FBN3: variants seen among roughly 807,000 people sequenced by gnomAD.
FBN3 encodes fibrillin 3, also known as fibrillin-3.
Under a neutral mutation model 330.1 loss-of-function variants are expected in FBN3, and 234 were observed. The observed-to-expected ratio is 0.71, with a 90% confidence interval of 0.64 to 0.79. The LOEUF (loss-of-function observed/expected upper bound fraction) is 0.79, where lower values mean the gene tolerates loss of function less well. Ranked by LOEUF, FBN3 falls within the 30% of genes least tolerant of loss-of-function variation. FBN3 has a pLI of 0.00. For synonymous variants in FBN3, 1,458 were observed against 1,517.3 expected (o/e 0.96, Z 0.91); for missense variants, 3,606 against 3,886.9 (o/e 0.93, Z 1.92).
chr19:8,135,936 G>GCCCCCCCCCCCCCCCCCC, intron 13 of FBN3, 25 bp downstream of exon 13: 1 of 668,770 alleles, frequency 1.5e-6, no homozygotes. Context: ...GGAAGCCCCT[G>GCCCCCCCCCCCCCCCCCC]CCCACCCGCC....
intron 54 of FBN3, among the ~76,000 whole-genome samples, chr19:8,086,791 G>A (rs2081973298): frequency 6.7e-6 from 1 of 149,122 alleles, no homozygotes; most frequent in Admixed American, 6.7e-5. Flanking sequence ...TATTGTTTTT[G>A]GAGATGGGGT....
At chr19:8,143,052 T>C (rs1000953912) in intron 6 of FBN3, among the ~76,000 whole-genome samples, 3 of 152,026 alleles carry the variant, frequency 2.0e-5, no homozygotes, top group Non-Finnish European at 2.9e-5. Flanking sequence ...CCCAGATGCC[T>C]CTGCATCTGA....
intron 56 of FBN3, among the ~76,000 whole-genome samples, chr19:8,084,352 G>A (rs1449482630): frequency 6.6e-6 from 1 of 152,028 alleles, no homozygotes; most frequent in Non-Finnish European, 1.5e-5. Flanking sequence ...CTCCCACGCA[G>A]TCCGGAACGA....
chr19:8,117,911 C>T (rs139418644), intron 26 of FBN3, among the ~76,000 whole-genome samples: 6 of 152,108 alleles, frequency 3.9e-5, no homozygotes, highest in African/African-American at 1.2e-4. Context: ...CACTCAAGTG[C>T]ACACTCCTAA....
Position 8,146,168 on chromosome 19 carries a change from C to A in FBN3, c.308G>T (p.Cys103Phe). 6.2e-7 allele frequency: 1 copy of A among 1,603,374 alleles called. No individual in the cohort carries two copies. Among genetic ancestry groups the A allele is most frequent in the East Asian group, 2.2e-5 (1 of 44,530 alleles). ...GFCSQPNLCTCADGTLAPSCG... is the reference protein window; with the variant it reads ...GFCSQPNLCTFADGTLAPSCG... ...GCTGGGAGCCAGCGTCCCATCCGCA[C>A]AGGTGCACAGGTTGGGCTGGGAGCA... Residue 103 changes from cysteine to phenylalanine, a missense_variant, in exon 4 of 64, where the codon TGT becomes TTT. By Grantham distance (205) the Cys-to-Phe change is radical. Coordinates refer to ENST00000600128, the MANE Select transcript of FBN3 (RefSeq NM_032447.5).
chr19:8,078,603 T>TG (rs746364596), intron 59 of FBN3, among the ~76,000 whole-genome samples: 2 of 150,352 alleles, frequency 1.3e-5, no homozygotes, highest in African/African-American at 4.9e-5. Flanking sequence ...TTAATAGAGA[T>TG]GGGGTCTCAC....
Position 8,136,316 on chromosome 19 carries a change from G to C in FBN3, c.1346-7C>G. On this transcript the variant is annotated splice_region_variant and splice_polypyrimidine_tract_variant and intron_variant, in intron 11 of 63. Coordinates refer to ENST00000600128, the MANE Select transcript of FBN3 (RefSeq NM_032447.5). Reference sequence around the variant, plus strand: ...CTGGTGCATTCGTCTACATCTGAGGGGAGAGGACCCTGAGCCCTAGCACGA... The same window carrying C: ...CTGGTGCATTCGTCTACATCTGAGGCGAGAGGACCCTGAGCCCTAGCACGA... 1.9e-6 allele frequency: 3 copies of C among 1,602,278 alleles called. No homozygotes were observed.
intron 38 of FBN3, among the ~76,000 whole-genome samples, chr19:8,104,579 A>T (rs1418399096): frequency 1.3e-5 from 2 of 152,270 alleles, no homozygotes; most frequent in East Asian, 3.9e-4. Flanking sequence ...CCAAGAAAGG[A>T]TCATCCATGT....
Position 8,126,497 on chromosome 19 carries a change from C to A in FBN3, c.2525G>T (p.Trp842Leu). 6.2e-7 allele frequency: 1 copy of A among 1,613,174 alleles called. No homozygotes were observed. Among genetic ancestry groups the A allele is most frequent in the Non-Finnish European group, 8.5e-7 (1 of 1,179,716 alleles). Reference sequence around the variant, plus strand: ...CTCGCAGCGTTCGCAGGGGCTCCCCCAGGCTGCCCCGAGGGTGGCGCAGCA... The same window carrying A: ...CTCGCAGCGTTCGCAGGGGCTCCCCAAGGCTGCCCCGAGGGTGGCGCAGCA... ...SECCATLGAA[W>L]GSPCERCEID... The change falls in exon 20 of 64, where the codon TGG becomes TTG. Residue 842 changes from tryptophan to leucine, a missense_variant. Physicochemically the swap from Trp to Leu is moderately conservative, Grantham distance 61. Transcript: ENST00000600128.
In FBN3 at chr19:8,097,523, C is replaced by A; in HGVS notation, c.5162-109G>T. On this transcript the variant is annotated intron_variant, in intron 41 of 63. Coordinates refer to ENST00000600128, the MANE Select transcript of FBN3 (RefSeq NM_032447.5). ...AATCTGGTTGAGGCTGTTGTGGCCA[C>A]AAACCAGCACACACTCAAGAAAATC... 5.8e-6 allele frequency: 7 copies of A among 1,216,052 alleles called. No homozygotes were observed. The East Asian group carries it at 1.5e-4, about 27-fold the overall frequency. The allele number at this position is 1,216,052 out of a possible 1,614,324, so 75.3% of individuals were successfully genotyped here.
At chr19:8,073,407 A>T in intron 61 of FBN3, 110 bp from the exon 62 acceptor site, 1 of 859,776 alleles carries the variant, frequency 1.2e-6, no homozygotes, top group Non-Finnish European at 1.8e-6. Flanking sequence ...CCCAAGTCCA[A>T]TGCCAAACTC....
In FBN3 at chr19:8,102,735, G is replaced by A; in HGVS notation, c.5078C>T (p.Thr1693Ile). The change falls in exon 40 of 64, where the codon ACT (threonine) becomes ATT (isoleucine). Residue 1693 changes from threonine (T) to isoleucine (I), a missense_variant. Physicochemically the swap from Thr to Ile is moderately conservative, Grantham distance 89 (BLOSUM62 -1). Coordinates refer to ENST00000600128, the MANE Select transcript of FBN3 (RefSeq NM_032447.5). ...GGAGGGTTACTCACGACTGATGGGA[G>A]TGGGGCAGGCCTCACAGGGTCTATT... is the stretch of plus-strand genomic sequence containing the variant. ...AWNRPCEACP[T>I]PISPDYQILC... 6.2e-7 allele frequency: 1 copy of A among 1,613,334 alleles called. No individual in the cohort carries two copies. Among genetic ancestry groups the A allele is most frequent in the Non-Finnish European group, 8.5e-7 (1 of 1,179,668 alleles).
At chr19:8,113,907 C>G (rs982469864) in intron 30 of FBN3, among the ~76,000 whole-genome samples, 32 of 151,388 alleles carry the variant, frequency 2.1e-4, no homozygotes, top group African/African-American at 7.8e-4. Context: ...GGAAGATCAC[C>G]TGAGCCTGGA....
chr19:8,138,295 C>T lies in FBN3; in HGVS notation c.1047G>A (p.Arg349=), dbSNP rs774297618. The change falls in exon 10 of 64, where the codon CGG becomes CGA. Residue 349 remains arginine (R), a synonymous_variant. Coordinates refer to ENST00000600128, the MANE Select transcript of FBN3 (RefSeq NM_032447.5). ...CAGGGTGGCCGGGTAGCAGCGGCAG[C>T]CGCTGGGCGCACAGTTGCTGGAATT... ...SNEFQQLCAQ[R]LPLLPGHPGL... The T allele has an allele frequency of 7.4e-5, 119 of 1,613,082 alleles. No individual in the cohort carries two copies. The highest frequency in any genetic ancestry group is 9.3e-5 in the Non-Finnish European group (110 of 1,179,738).
At chr19:8,122,666 C>T (rs1470678032) in intron 24 of FBN3, among the ~76,000 whole-genome samples, 1 of 150,954 alleles carries the variant, frequency 6.6e-6, no homozygotes, top group Admixed American at 6.6e-5. Context: ...CGCACCTGGC[C>T]CAGCGCCCCC....
At chr19:8,076,247 C>CATGT (rs60725609) in intron 59 of FBN3, among the ~76,000 whole-genome samples, 2,272 of 147,724 alleles carry the variant, frequency 0.015, 62 homozygotes, top group African/African-American at 0.051. Context: ...TGTCCGTGTG[C>CATGT]GTGTGTGTGT....
rs150135557 is a variant in FBN3 at position 8,116,553 on chromosome 19, C to T, written c.3712+121G>A. The stretch of plus-strand genomic sequence containing the variant: ...TTACAAAGCCTCATCTTCCTACCTG[C>T]GAATGGCAGGGGTGGGGCCTGGCAT... On this transcript the variant is annotated intron_variant, in intron 29 of 63. Transcript: ENST00000600128. The T allele has an allele frequency of 1.4e-4, 145 of 1,049,548 alleles. No individual in the cohort carries two copies. In the African/African-American group the frequency reaches 1.7e-3, roughly 12 times the overall value. 65.0% of individuals were successfully genotyped at this position (1,049,548 alleles called of 1,614,324 possible).
At chr19:8,139,692 A>G (rs1421991413) in intron 8 of FBN3, among the ~76,000 whole-genome samples, 1 of 151,888 alleles carries the variant, frequency 6.6e-6, no homozygotes, top group Non-Finnish European at 1.5e-5. Flanking sequence ...CTCCCCAGGT[A>G]TGAGAACCAC....
chr19:8,109,430 A>G lies in FBN3; in HGVS notation c.4457-42T>C, dbSNP rs751524662. ...GGATGGTTAGTAGGTGTCAGAGGGA[A>G]AGCTGTATGTGTGCGTGTGCATGCA... On this transcript the variant is annotated intron_variant, in intron 35 of 63. Transcript: ENST00000600128. This position sits in a 1 kb window ranked among gnomAD's most constrained non-coding sequence, Gnocchi z 5.2. 1 of 1,610,634 alleles carries G rather than the reference A, an allele frequency of 6.2e-7. No individual in the cohort carries two copies. Among genetic ancestry groups the G allele is most frequent in the South Asian group, 1.1e-5 (1 of 90,824 alleles).
Sources: allele counts gnomAD v4.1 joint callset (sites outside exome capture counted in the v4.1 genomes callset), GRCh38; gene constraint gnomAD v4.1.1; non-coding constraint Gnocchi (gnomAD v3.1); transcripts MANE v1.5; gene names NCBI Gene and HGNC (gene_info 2026-07-23, HGNC 2026-07-21).